RTL4: variants seen among roughly 807,000 people sequenced by gnomAD.
RTL4 encodes retrotransposon Gag like 4.
RTL4 carries 4 observed loss-of-function variants against 5.3 expected under a neutral mutation model. The ratio of observed to expected loss-of-function variants is 0.75; its 90% CI spans 0.37 to 1.72. RTL4 has a LOEUF of 1.72. RTL4 is among the 40% of genes most tolerant of loss of function. RTL4 has a pLI of 0.04. For missense variants in RTL4, 260 were observed against 227.1 expected (o/e 1.14, Z -0.93); for synonymous variants, 98 against 87.3 (o/e 1.12, Z -0.68).
the RTL4 span, among the ~76,000 whole-genome samples, chrX:112,393,758 T>C: frequency 8.9e-6 from 1 of 111,892 alleles, no homozygotes; most frequent in Non-Finnish European, 1.9e-5. Flanking sequence ...TGCTGCTACC[T>C]GTGGCTGGCT....
chrX:112,419,009 T>C, the RTL4 span, among the ~76,000 whole-genome samples: 2 of 92,972 alleles, frequency 2.2e-5, no homozygotes, highest in Non-Finnish European at 4.2e-5. Context: ...ATACTTGGAA[T>C]GGCAAAAAAA....
the RTL4 span, among the ~76,000 whole-genome samples, chrX:112,089,693 G>A: frequency 1.8e-5 from 2 of 111,395 alleles, no homozygotes; most frequent in Non-Finnish European, 3.8e-5. Flanking sequence ...CTCCAACATT[G>A]GTCTTCTTTT....
At chrX:112,457,355 G>A (rs1235940947), downstream of RTL4, among the ~76,000 whole-genome samples, 1 of 112,044 alleles carries the variant, frequency 8.9e-6, no homozygotes, top group East Asian at 2.8e-4. Context: ...ACAGAGACCT[G>A]AGTTAACATA....
the RTL4 span, among the ~76,000 whole-genome samples, chrX:112,093,297 T>A: frequency 1.8e-5 from 2 of 111,255 alleles, no homozygotes; most frequent in South Asian, 7.6e-4. Context: ...GAACTCATAA[T>A]AACTATTAAT....
the RTL4 span, among the ~76,000 whole-genome samples, chrX:112,107,194 ACT>A: frequency 1.8e-5 from 2 of 110,767 alleles, no homozygotes; most frequent in East Asian, 2.8e-4. Context: ...ACAAGAAGAA[ACT>A]CTACACTTTT....
the RTL4 span, among the ~76,000 whole-genome samples, chrX:112,333,068 G>T: frequency 1.8e-5 from 2 of 108,936 alleles, no homozygotes; most frequent in Non-Finnish European, 3.8e-5. Flanking sequence ...CCTGTCTTCT[G>T]GTTACTCCTT....
the RTL4 span, among the ~76,000 whole-genome samples, chrX:112,378,419 G>T: frequency 9.0e-6 from 1 of 111,301 alleles, no homozygotes; most frequent in Admixed American, 9.5e-5. Context: ...ATATCTTCAG[G>T]TAGTACACTT....
the RTL4 span, among the ~76,000 whole-genome samples, chrX:112,202,218 T>G: frequency 1.8e-5 from 2 of 112,051 alleles, no homozygotes; most frequent in African/African-American, 6.5e-5. Context: ...ATTCAAATCA[T>G]TCAGTGTGTT....
chrX:112,372,636 A>G, the RTL4 span, among the ~76,000 whole-genome samples: 7 of 111,230 alleles, frequency 6.3e-5, no homozygotes, highest in African/African-American at 2.3e-4. Context: ...AGCAGCAGCC[A>G]ATCACATACT....
chrX:112,243,108 G>A, the RTL4 span, among the ~76,000 whole-genome samples: 3 of 111,213 alleles, frequency 2.7e-5, no homozygotes, highest in Non-Finnish European at 5.7e-5. Context: ...TTTTATCGAG[G>A]CTTTTCGCAT....
chrX:112,270,883 CG>C, the RTL4 span, among the ~76,000 whole-genome samples: 1 of 109,801 alleles, frequency 9.1e-6, no homozygotes, highest in Non-Finnish European at 1.9e-5. Context: ...GAAGGGCAAT[CG>C]GCTTTTTTTC....
chrX:112,398,891 C>T, the RTL4 span, among the ~76,000 whole-genome samples: 1 of 111,881 alleles, frequency 8.9e-6, no homozygotes, highest in Non-Finnish European at 1.9e-5. Context: ...GTTATTATTT[C>T]TTTTTTAAAT....
the RTL4 span, among the ~76,000 whole-genome samples, chrX:112,195,927 T>C: frequency 9.0e-6 from 1 of 111,632 alleles, no homozygotes; most frequent in East Asian, 2.8e-4. Context: ...CTAAACTTTT[T>C]ATTTTGAGAC....
At chrX:112,278,414 G>A in the RTL4 span, among the ~76,000 whole-genome samples, 127 of 111,918 alleles carry the variant, frequency 1.1e-3, no homozygotes, top group Non-Finnish European at 2.0e-3. Context: ...CACCCAAAGA[G>A]GAAAAACCTA....
the RTL4 span, among the ~76,000 whole-genome samples, chrX:112,088,157 C>T: frequency 1.4e-4 from 15 of 109,533 alleles, no homozygotes; most frequent in Non-Finnish European, 2.5e-4. Flanking sequence ...GGCTCCAAAA[C>T]ATTTTCATCA....
At chrX:112,439,006 A>AGTTT in the RTL4 span, among the ~76,000 whole-genome samples, 3 of 111,762 alleles carry the variant, frequency 2.7e-5, no homozygotes, top group African/African-American at 9.8e-5. Context: ...ACTCTGGGGG[A>AGTTT]AACCAATGTC....
chrX:112,322,515 G>C, the RTL4 span, among the ~76,000 whole-genome samples: 1 of 110,915 alleles, frequency 9.0e-6, no homozygotes, highest in Admixed American at 9.7e-5. Flanking sequence ...TCTCATTTCA[G>C]CCTTAATGTA....
the RTL4 span, among the ~76,000 whole-genome samples, chrX:112,298,987 C>A: frequency 8.9e-6 from 1 of 112,562 alleles, no homozygotes; most frequent in Non-Finnish European, 1.9e-5. Context: ...TTTCCAAGAC[C>A]TTTTATGTCC....
chrX:112,397,227 G>A, the RTL4 span, among the ~76,000 whole-genome samples: 1 of 111,664 alleles, frequency 9.0e-6, no homozygotes, highest in Non-Finnish European at 1.9e-5. Context: ...AAGTGGTGTA[G>A]TATTTTCATA....
Sources: gnomAD v4.1 joint callset for allele counts (sites outside exome capture counted in the v4.1 genomes callset) on GRCh38, gnomAD v4.1.1 for gene constraint, MANE v1.5 for transcripts, NCBI Gene and HGNC (gene_info 2026-07-23, HGNC 2026-07-21) for gene names.